CACNA1B: variants seen among roughly 807,000 people sequenced by gnomAD.
The protein encoded by CACNA1B is voltage-dependent N-type calcium channel subunit alpha-1B.
A neutral mutation model predicts 247.2 loss-of-function variants in CACNA1B; 70 were observed. The observed-to-expected ratio is 0.28, with a 90% CI of 0.23 to 0.35. CACNA1B has a LOEUF of 0.35. Among genes scored for constraint, CACNA1B ranks in the 10% least tolerant of loss-of-function variants. The pLI is 1.00. For synonymous variants in CACNA1B, 1,231 were observed against 1,294.4 expected (o/e 0.95, Z 1.05); for missense variants, 2,367 against 3,197.4 (o/e 0.74, Z 6.26).
chr9:138,120,441 A>C, intron 45 of CACNA1B, 69 bp downstream of exon 45: 1 of 1,463,720 alleles, frequency 6.8e-7, no homozygotes, highest in Non-Finnish European at 9.1e-7. Flanking sequence ...CAAGCGGCCC[A>C]TGGGGGACCC....
At chr9:137,920,579 G>C (rs1367532892) in intron 6 of CACNA1B, among the ~76,000 whole-genome samples, 1 of 152,228 alleles carries the variant, frequency 6.6e-6, no homozygotes. Context: ...GGAGCTGTCA[G>C]AATGGTCATG....
At position 137,880,396 on chromosome 9, in the gene CACNA1B, T is replaced by C. The variant is rs1478937917; in HGVS notation, c.390+1237T>C. 2.6e-5 allele frequency among the ~76,000 whole-genome samples: 4 copies of C among 152,062 alleles called. No individual in the cohort carries two copies. The highest frequency in any genetic ancestry group is 5.9e-5 in the Non-Finnish European group (4 of 68,002). On this transcript the variant is annotated intron_variant, in intron 2 of 46. Transcript: ENST00000371372. This position sits in a 1 kb window ranked among gnomAD's most constrained non-coding sequence, Gnocchi z 4.8. Reference sequence around the variant, plus strand: ...CAGGACCCTGGTGGGGCCCATTGCTTTCTGGAGGCTGGAGAAGAGGGTGAG... The same window carrying C: ...CAGGACCCTGGTGGGGCCCATTGCTCTCTGGAGGCTGGAGAAGAGGGTGAG...
chr9:137,926,804 T>C (rs1957555966), intron 6 of CACNA1B, among the ~76,000 whole-genome samples: 1 of 152,232 alleles, frequency 6.6e-6, no homozygotes, highest in Non-Finnish European at 1.5e-5. Flanking sequence ...ATGTTGAGCA[T>C]TTTTTCTTGC....
chr9:137,879,753 T>G (rs1204057089), intron 2 of CACNA1B, among the ~76,000 whole-genome samples: 1 of 151,972 alleles, frequency 6.6e-6, no homozygotes, highest in Non-Finnish European at 1.5e-5. Context: ...TCTGTGTGAG[T>G]CAGGGTGCCA....
chr9:137,975,744 A>G (rs1422141083), intron 11 of CACNA1B, among the ~76,000 whole-genome samples, 163 bp from the exon 12 acceptor site: 2 of 152,172 alleles, frequency 1.3e-5, no homozygotes, highest in African/African-American at 4.8e-5. Flanking sequence ...CTCTGAATCC[A>G]TCGTTCCTTT....
chr9:138,096,336 T>G, intron 36 of CACNA1B, 148 bp from the exon 37 acceptor site: 1 of 608,520 alleles, frequency 1.6e-6, no homozygotes, highest in Non-Finnish European at 2.9e-6. Flanking sequence ...GGAAGTCCCA[T>G]GGGGAGAGCA....
At position 138,114,430 on chromosome 9, in the gene CACNA1B, C is replaced by A. The variant is rs758964791; in HGVS notation, c.5589C>A (p.Phe1863Leu). The change falls in exon 41 of 47, where the codon TTC becomes TTA. Residue 1863 changes from phenylalanine to leucine, a missense_variant. Physicochemically the swap from Phe to Leu is conservative, Grantham distance 22. Coordinates refer to ENST00000371372, the MANE Select transcript of CACNA1B (RefSeq NM_000718.4). ...ATGCAGCTCTGATGATATTCGACTT[C>A]TACAAGCAGAACAAAACCACCAGAG... The part of the protein sequence containing the change: ...KVYAALMIFD[F>L]YKQNKTTRDQ... The A allele has an allele frequency of 6.3e-7, 1 of 1,595,118 alleles. No homozygotes were observed. Among genetic ancestry groups the A allele is most frequent in the Admixed American group, 1.7e-5 (1 of 57,168 alleles).
rs962187009 is a variant in CACNA1B, at chr9:137,913,063, C to T, written c.531-117C>T. 1 of 757,654 alleles carries T rather than the reference C, an allele frequency of 1.3e-6. No individual in the cohort carries two copies. Among genetic ancestry groups the T allele is most frequent in the Non-Finnish European group, 2.2e-6 (1 of 446,614 alleles). The allele number at this position is 757,654 out of a possible 1,614,324, so 46.9% of individuals were successfully genotyped here. A position where few individuals can be genotyped will look rare whatever the true frequency, so the allele number is the denominator to read the frequency against. ...GCCCTGTGGTTGGACAGTGGGGACA[C>T]AGGAATGAAGGTGTCACTGCTCTTG... is the stretch of plus-strand genomic sequence containing the variant. On this transcript the variant is annotated intron_variant, in intron 3 of 46. Coordinates refer to ENST00000371372, the MANE Select transcript of CACNA1B (RefSeq NM_000718.4). The surrounding 1 kb of genome is among the most constrained non-coding windows in gnomAD (Gnocchi z 5.2).
rs1440887333 is a variant in CACNA1B, at chr9:137,954,879, T to TGTGTGTGTGTGTGAGA, written c.1071-818_1071-817insTGTGTGTGTGTGAGAG. 5.9e-4 allele frequency among the ~76,000 whole-genome samples: 85 copies of TGTGTGTGTGTGTGAGA among 145,280 alleles called. 1 individual carries two copies. The East Asian group carries it at 0.015, about 26-fold the overall frequency. On this transcript the variant is annotated intron_variant, in intron 7 of 46. Coordinates refer to ENST00000371372, the MANE Select transcript of CACNA1B (RefSeq NM_000718.4). This position sits in a 1 kb window ranked among gnomAD's most constrained non-coding sequence, Gnocchi z 4.1. ...GCTTGTGTGTGTGTGTGTGTGTGTG[T>TGTGTGTGTGTGTGAGA]GAGAGAGAGAGAGAGAGAGAGAGGG...
chr9:137,955,855 G>A lies in CACNA1B; in HGVS notation c.1186+42G>A, dbSNP rs1372255526. The A allele has an allele frequency of 1.5e-6, 2 of 1,313,944 alleles. No homozygotes were observed. The highest frequency in any genetic ancestry group is 1.1e-6 in the Non-Finnish European group (1 of 926,738). The allele number at this position is 1,313,944 out of a possible 1,614,324, so 81.4% of individuals were successfully genotyped here. A position where few individuals can be genotyped will look rare whatever the true frequency, so the allele number is the denominator to read the frequency against. ...GCCACTGCACTCCTGGCCGGCCACT[G>A]TTAGTTCTCTGTCCCCAATTCTGCT... On this transcript the variant is annotated intron_variant, in intron 8 of 46. Coordinates refer to ENST00000371372, the MANE Select transcript of CACNA1B (RefSeq NM_000718.4). The surrounding 1 kb of genome is among the most constrained non-coding windows in gnomAD (Gnocchi z 6.9).
In CACNA1B at chr9:137,957,677, C is replaced by G. The variant is rs766883617; in HGVS notation, c.1323C>G (p.Leu441=). 3.1e-6 allele frequency: 5 copies of G among 1,596,348 alleles called. No individual in the cohort carries two copies. The African/African-American group carries it at 6.7e-5, about 21-fold the overall frequency. Residue 441 remains leucine, a synonymous_variant, in exon 10 of 47, where the codon CTC becomes CTG. Coordinates refer to ENST00000371372, the MANE Select transcript of CACNA1B (RefSeq NM_000718.4). The surrounding 1 kb of genome is among the most constrained non-coding windows in gnomAD (Gnocchi z 4.7). ...AEEGEDRFAD[L]CAVGSPFARA... ...AGGGAGAGGACCGGTTTGCAGATCT[C>G]TGTGCTGTTGGTGAGTCTCAGGGTG...
intron 6 of CACNA1B, among the ~76,000 whole-genome samples, chr9:137,945,615 T>C (rs545736218): frequency 2.6e-5 from 4 of 152,350 alleles, no homozygotes; most frequent in East Asian, 3.9e-4. Flanking sequence ...AGAATCTCTT[T>C]TACAATTAAT....
At chr9:137,921,884 C>T (rs1204712996) in intron 6 of CACNA1B, among the ~76,000 whole-genome samples, 1 of 145,528 alleles carries the variant, frequency 6.9e-6, no homozygotes, top group East Asian at 2.1e-4. Flanking sequence ...GCACTGCAGC[C>T]GCGCAGCATC....
At chr9:137,998,115 G>T (rs1479391965) in intron 15 of CACNA1B, among the ~76,000 whole-genome samples, 1 of 152,118 alleles carries the variant, frequency 6.6e-6, no homozygotes, top group Admixed American at 6.5e-5. Context: ...GGTGGGGTGG[G>T]GGTTGCTGGG....
At chr9:137,911,788 G>A (rs1053288036) in intron 3 of CACNA1B, among the ~76,000 whole-genome samples, 1 of 152,164 alleles carries the variant, frequency 6.6e-6, no homozygotes, top group South Asian at 2.1e-4. Context: ...TGTTTGGAGC[G>A]GGTGATCACA....
At chr9:137,965,172 T>A in intron 10 of CACNA1B, among the ~76,000 whole-genome samples, 1 of 152,242 alleles carries the variant, frequency 6.6e-6, no homozygotes, top group East Asian at 1.9e-4. Flanking sequence ...TCAGGAGGAA[T>A]GGGATCAAGG....
intron 31 of CACNA1B, chr9:138,068,535 G>T (rs966892446): frequency 1.9e-6 from 1 of 512,890 alleles, no homozygotes; most frequent in African/African-American, 1.9e-5. Context: ...TCGCCCGGAA[G>T]CATTTAGTCC....
intron 39 of CACNA1B, among the ~76,000 whole-genome samples, chr9:138,111,368 C>T (rs766375): frequency 0.19 from 28,987 of 152,240 alleles, 3,197 homozygotes; most frequent in Middle Eastern, 0.33. Flanking sequence ...CTCTCACATG[C>T]ACCACACTGT....
chr9:138,046,627 A>G lies in CACNA1B; in HGVS notation c.3414-277A>G, dbSNP rs6559261. On this transcript the variant is annotated intron_variant, in intron 21 of 46. Coordinates refer to ENST00000371372, the MANE Select transcript of CACNA1B (RefSeq NM_000718.4). ...TTTATTCACACAAACAGGTCTCCCT[A>G]TCTGGCCTGTGAGCTTTGGTTTGTT... 0.16 allele frequency among the ~76,000 whole-genome samples: 23,916 copies of G among 152,290 alleles called. 5,351 individuals carry two copies. Among genetic ancestry groups the G allele is most frequent in the African/African-American group, 0.5 (20,588 of 41,522 alleles).
Sources: allele counts gnomAD v4.1 joint callset (sites outside exome capture counted in the v4.1 genomes callset), GRCh38; gene constraint gnomAD v4.1.1; non-coding constraint Gnocchi (gnomAD v3.1); transcripts MANE v1.5; gene names NCBI Gene and HGNC (gene_info 2026-07-23, HGNC 2026-07-21).